LRP6: variants seen among roughly 807,000 people sequenced by gnomAD.
LRP6 encodes the protein LDL receptor related protein 6.
A neutral mutation model predicts 184.1 loss-of-function variants in LRP6; 43 were observed. That is an observed-to-expected ratio of 0.23 (90% confidence interval 0.18 to 0.30). LRP6 has a LOEUF of 0.30. Among genes scored for constraint, LRP6 ranks in the 10% least tolerant of loss-of-function variants. The probability of loss-of-function intolerance (pLI) is 1.00; values close to 1 mark genes in which losing one functional copy is unlikely to be tolerated. For missense variants in LRP6, 1,571 were observed against 2,005.3 expected, an observed-to-expected ratio of 0.78 and a Z score of 4.14; for synonymous variants, 719 against 684.9, an observed-to-expected ratio of 1.05 and a Z score of -0.78.
chr12:12,244,410 C>T lies in LRP6; in HGVS notation c.301G>A (p.Ala101Thr). The change falls in exon 2 of 23, where the codon GCA becomes ACA. Residue 101 changes from alanine (A) to threonine (T), a missense_variant. Coordinates refer to ENST00000261349, the MANE Select transcript of LRP6 (RefSeq NM_002336.3). Reference sequence around the variant, plus strand: ...AATTTTTCTCCAAGCCAATCACATGCCAGCCCATCGGGGGACAATAATCCA... The same window carrying T: ...AATTTTTCTCCAAGCCAATCACATGTCAGCCCATCGGGGGACAATAATCCA... ...VSGLLSPDGL[A>T]CDWLGEKLYW... 1 of 1,614,222 alleles carries T rather than the reference C, an allele frequency of 6.2e-7. No homozygotes were observed. Among genetic ancestry groups the T allele is most frequent in the South Asian group, 1.1e-5 (1 of 91,090 alleles).
chr12:12,206,145 C>G (rs1864051239), intron 2 of LRP6, among the ~76,000 whole-genome samples: 1 of 152,178 alleles, frequency 6.6e-6, no homozygotes, highest in Non-Finnish European at 1.5e-5. Flanking sequence ...GTGTAACACA[C>G]TATGTTCACA....
At chr12:12,260,501 T>C (rs1865587429) in intron 1 of LRP6, among the ~76,000 whole-genome samples, 1 of 152,104 alleles carries the variant, frequency 6.6e-6, no homozygotes, top group South Asian at 2.1e-4. Flanking sequence ...CAAAAAAAAT[T>C]CCAAAACCAC....
intron 1 of LRP6, among the ~76,000 whole-genome samples, chr12:12,252,086 C>T (rs1160500982): frequency 6.6e-6 from 1 of 152,108 alleles, no homozygotes; most frequent in African/African-American, 2.4e-5. Flanking sequence ...GATCCCACCA[C>T]GTTGCCCAGG....
intron 9 of LRP6, among the ~76,000 whole-genome samples, chr12:12,163,080 A>C (rs1862779514): frequency 6.6e-6 from 1 of 152,006 alleles, no homozygotes; most frequent in Non-Finnish European, 1.5e-5. Context: ...GGTTCAAGTG[A>C]TTCTCGTGCC....
At position 12,119,990 on chromosome 12, in the gene LRP6, AATATAT is replaced by A. The variant is rs550587604; in HGVS notation, c.*1130_*1135del. 0.048 allele frequency: 2,149 copies of A among 44,882 alleles called. 42 individuals carry two copies. Among genetic ancestry groups the A allele is most frequent in the Non-Finnish European group, 0.057 (1,447 of 25,256 alleles). 2.8% of individuals were successfully genotyped at this position (44,882 alleles called of 1,614,324 possible). A position where few individuals can be genotyped will look rare whatever the true frequency, so the allele number is the denominator to read the frequency against. ...ACTCAGAAAACAAACAAACAAACAA[AATATAT>A]ATATATATATATATATATATATATA... On this transcript the variant is annotated 3_prime_UTR_variant, in exon 23 of 23. Transcript: ENST00000261349.
intron 2 of LRP6, among the ~76,000 whole-genome samples, chr12:12,234,587 C>T (rs1403367500): frequency 1.3e-5 from 2 of 152,060 alleles, no homozygotes; most frequent in South Asian, 2.1e-4. Context: ...AATTCCAGCA[C>T]TCTGAGAGGC....
At chr12:12,166,043 G>A (rs1456327801) in intron 7 of LRP6, among the ~76,000 whole-genome samples, 2 of 152,054 alleles carry the variant, frequency 1.3e-5, no homozygotes, top group Non-Finnish European at 2.9e-5. Flanking sequence ...ACTTACTTGG[G>A]ATACCTTTAT....
intron 12 of LRP6, among the ~76,000 whole-genome samples, chr12:12,151,860 T>C (rs142879778): frequency 6.6e-6 from 1 of 152,290 alleles, no homozygotes; most frequent in African/African-American, 2.4e-5. Flanking sequence ...AAAATAATTA[T>C]TTATTACCAG....
chr12:12,168,066 T>C lies in LRP6; in HGVS notation c.1546-2771A>G, dbSNP rs566020970. On this transcript the variant is annotated intron_variant, in intron 7 of 22. Coordinates refer to ENST00000261349, the MANE Select transcript of LRP6 (RefSeq NM_002336.3). ...AACAGTAAACAAAAAAGAACAAATA[T>C]TTGACAATTTCATATGAGTACACTT... is the stretch of plus-strand genomic sequence containing the variant. Among the ~76,000 whole-genome samples, 6 of 152,172 alleles carry C rather than the reference T, an allele frequency of 3.9e-5. No individual in the cohort carries two copies. In the South Asian group the frequency reaches 1.2e-3, roughly 32 times the overall value.
intron 12 of LRP6, among the ~76,000 whole-genome samples, chr12:12,157,262 A>T (rs1269977598): frequency 6.6e-6 from 1 of 151,910 alleles, no homozygotes; most frequent in Non-Finnish European, 1.5e-5. Context: ...CACAGAACTC[A>T]TTAACAACTT....
At chr12:12,225,755 C>T (rs1864605884) in intron 2 of LRP6, among the ~76,000 whole-genome samples, 1 of 151,790 alleles carries the variant, frequency 6.6e-6, no homozygotes, top group Non-Finnish European at 1.5e-5. Flanking sequence ...ACCTGTAATC[C>T]CAGCTACTCA....
rs1361409078 is a variant in LRP6, at chr12:12,159,168, A to C, written c.2465-13T>G. On this transcript the variant is annotated splice_polypyrimidine_tract_variant and intron_variant, in intron 11 of 22. Transcript: ENST00000261349. ...TCACGGTTGAGCCCTATTTTCAGAA[A>C]GGCAGTAGACAGGGGAGAAGCAGAG... 1 of 1,608,092 alleles carries C rather than the reference A, an allele frequency of 6.2e-7. No individual in the cohort carries two copies. The highest frequency in any genetic ancestry group is 8.5e-7 in the Non-Finnish European group (1 of 1,174,492).
intron 6 of LRP6, among the ~76,000 whole-genome samples, chr12:12,180,762 A>C (rs537837216): frequency 3.3e-4 from 51 of 152,262 alleles, no homozygotes; most frequent in Non-Finnish European, 6.0e-4. Context: ...CACATTTTTC[A>C]TGGTAATGAT....
At chr12:12,244,192 G>T in intron 2 of LRP6, 70 bp downstream of exon 2, 1 of 1,454,296 alleles carries the variant, frequency 6.9e-7, no homozygotes, top group South Asian at 1.2e-5. Flanking sequence ...TAGGGGTCAG[G>T]GTGGTGTATG....
chr12:12,123,542 A>G (rs1949631990), intron 22 of LRP6, among the ~76,000 whole-genome samples: 1 of 152,190 alleles, frequency 6.6e-6, no homozygotes, highest in Non-Finnish European at 1.5e-5. Context: ...AGGATAGAAG[A>G]TAGAAAAGAT....
intron 1 of LRP6, among the ~76,000 whole-genome samples, chr12:12,248,387 C>G (rs1381829248): frequency 1.3e-5 from 2 of 150,784 alleles, no homozygotes; most frequent in African/African-American, 4.9e-5. Flanking sequence ...ACTCTTTTAT[C>G]TAACTTCCTA....
At chr12:12,126,635 A>G (rs1300122807) in intron 20 of LRP6, 56 bp downstream of exon 20, 6 of 1,326,380 alleles carry the variant, frequency 4.5e-6, no homozygotes, top group Non-Finnish European at 5.4e-6. Context: ...CACAATGGAA[A>G]CTGGCAGTCT....
intron 7 of LRP6, among the ~76,000 whole-genome samples, chr12:12,174,838 T>C (rs1863130711): frequency 6.6e-6 from 1 of 152,224 alleles, no homozygotes; most frequent in African/African-American, 2.4e-5. Context: ...AAGTTCTTGG[T>C]ACTAAAGGTT....
intron 12 of LRP6, among the ~76,000 whole-genome samples, chr12:12,156,446 G>A (rs569505736): frequency 1.3e-5 from 2 of 152,300 alleles, no homozygotes; most frequent in East Asian, 3.9e-4. Context: ...TGAGAGTGAA[G>A]AAGGGGTTAT....
Sources: allele counts gnomAD v4.1 joint callset (sites outside exome capture counted in the v4.1 genomes callset), GRCh38; gene constraint gnomAD v4.1.1; transcripts MANE v1.5; gene names NCBI Gene and HGNC (gene_info 2026-07-23, HGNC 2026-07-21).